Variants in FAM83H observed in about 807,000 individuals in gnomAD.
The protein encoded by FAM83H is scaffolding CK1 anchoring protein H.
FAM83H carries 24 observed loss-of-function variants against 30.2 expected under a neutral mutation model. The observed-to-expected ratio is 0.79, with a 90% CI of 0.57 to 1.12. The LOEUF is 1.12. FAM83H is among the 50% of genes most tolerant of loss of function. The probability of loss-of-function intolerance (pLI) is 0.00; values close to 1 mark genes in which losing one functional copy is unlikely to be tolerated. For missense variants in FAM83H, 2,038 were observed against 1,773.9 expected (o/e 1.15, Z -2.67); for synonymous variants, 1,013 against 821.7 (o/e 1.23, Z -3.98).
At position 143,727,919 on chromosome 8, in the gene FAM83H, G is replaced by A. The variant is rs782464800; in HGVS notation, c.1542C>T (p.Ser514=). The part of the protein sequence containing the change: ...GHQRLDYVPS[S]ASREVRHGSD... Reference sequence around the variant, plus strand: ...AGCCGTGGCGCACCTCGCGGGACGCGCTGGACGGCACGTAGTCCAGCCGCT... The same window carrying A: ...AGCCGTGGCGCACCTCGCGGGACGCACTGGACGGCACGTAGTCCAGCCGCT... Residue 514 remains serine, a synonymous_variant, in exon 5 of 5, where the codon AGC becomes AGT. Transcript: ENST00000388913. The A allele has an allele frequency of 2.6e-6, 4 of 1,523,498 alleles. No homozygotes were observed. Among genetic ancestry groups the A allele is most frequent in the East Asian group, 2.5e-5 (1 of 40,572 alleles). The allele number at this position is 1,523,498 out of a possible 1,614,324, so 94.4% of individuals were successfully genotyped here. A position where few individuals can be genotyped will look rare whatever the true frequency, so the allele number is the denominator to read the frequency against.
chr8:143,731,960 C>T, intron 1 of FAM83H: 1 of 985,458 alleles, frequency 1.0e-6, no homozygotes, highest in Non-Finnish European at 1.2e-6. Context: ...TCAGTCCATC[C>T]CACTGCTCCT....
rs1554621841 is a variant in FAM83H, at chr8:143,726,508, C to A, written c.2953G>T (p.Gly985Cys). Residue 985 changes from glycine to cysteine, a missense_variant, in exon 5 of 5, where the codon GGT (glycine) becomes TGT (cysteine). Physicochemically the swap from Gly to Cys is radical, Grantham distance 159 (BLOSUM62 -3). Coordinates refer to ENST00000388913, the MANE Select transcript of FAM83H (RefSeq NM_198488.5). The stretch of plus-strand genomic sequence containing the variant: ...TTCTCCTGCGGCACTGGGAAGCCAC[C>A]CTCATCCTCCATGCGCCGCTCGCCC... Reference protein sequence around the residue: ...PKGERRMEDEGGFPVPQENGQ... With the variant: ...PKGERRMEDECGFPVPQENGQ... 2 of 1,606,080 alleles carry A rather than the reference C, an allele frequency of 1.2e-6. No individual in the cohort carries two copies. The highest frequency in any genetic ancestry group is 1.7e-6 in the Non-Finnish European group (2 of 1,179,664).
chr8:143,727,783 G>T lies in FAM83H; in HGVS notation c.1678C>A (p.Pro560Thr), dbSNP rs1818358515. ...CQAAARPGPDPAPEAEPERRG... is the reference protein window; with the variant it reads ...CQAAARPGPDTAPEAEPERRG... ...CGCTCCGGCTCCGCCTCGGGAGCGGGGTCTGGGCCCGGCCTCGCCGCGGCC... is the reference window on the plus strand; with the variant it reads ...CGCTCCGGCTCCGCCTCGGGAGCGGTGTCTGGGCCCGGCCTCGCCGCGGCC... Residue 560 changes from proline (P) to threonine (T), a missense_variant, in exon 5 of 5, where the codon CCC (proline) becomes ACC (threonine). Coordinates refer to ENST00000388913, the MANE Select transcript of FAM83H (RefSeq NM_198488.5). 6 of 1,406,690 alleles carry T rather than the reference G, an allele frequency of 4.3e-6. No individual in the cohort carries two copies. The South Asian group carries it at 9.1e-5, about 21-fold the overall frequency. 87.1% of individuals were successfully genotyped at this position (1,406,690 alleles called of 1,614,324 possible). A position where few individuals can be genotyped will look rare whatever the true frequency, so the allele number is the denominator to read the frequency against.
rs28573699 is a variant in FAM83H, at chr8:143,728,152, G to A, written c.1309C>T (p.His437Tyr). 105,835 of 1,608,638 alleles carry A rather than the reference G, an allele frequency of 0.066. 3,752 individuals are homozygous for A. Among genetic ancestry groups the A allele is most frequent in the Middle Eastern group, 0.085 (506 of 5,980 alleles). ...RQVSRQTFLS[H>Y]GDDFRFQTSH... Reference sequence around the variant, plus strand: ...GTCTGGAAGCGGAAGTCGTCGCCGTGGCTGAGGAACGTCTGCCGCGACACC... The same window carrying A: ...GTCTGGAAGCGGAAGTCGTCGCCGTAGCTGAGGAACGTCTGCCGCGACACC... Residue 437 changes from histidine to tyrosine, a missense_variant, in exon 5 of 5, where the codon CAC becomes TAC. His to Tyr is a moderately conservative substitution (Grantham distance 83). Coordinates refer to ENST00000388913, the MANE Select transcript of FAM83H (RefSeq NM_198488.5).
Position 143,726,783 on chromosome 8 carries a change from G to A in FAM83H, c.2678C>T (p.Pro893Leu). The change falls in exon 5 of 5, where the codon CCA (proline) becomes CTA (leucine). Residue 893 changes from proline (P) to leucine (L), a missense_variant. By Grantham distance (98) the Pro-to-Leu change is moderately conservative. Transcript: ENST00000388913. ...TPGFSTRRGS[P>L]TTGFIEQKGS... is the part of the protein sequence containing the mutation. Reference sequence around the variant, plus strand: ...CTTCTGCTCGATAAATCCTGTAGTTGGACTTCCTCTTCGAGTGGAAAACCC... The same window carrying A: ...CTTCTGCTCGATAAATCCTGTAGTTAGACTTCCTCTTCGAGTGGAAAACCC... 1 of 1,612,280 alleles carries A rather than the reference G, an allele frequency of 6.2e-7. No homozygotes were observed. The highest frequency in any genetic ancestry group is 8.5e-7 in the Non-Finnish European group (1 of 1,179,516).
At position 143,727,742 on chromosome 8, in the gene FAM83H, C is replaced by CA; in HGVS notation, c.1718_1719insT (p.Glu573AspfsTer132). ...GCCAGCGCCGCAGCCCTGCCCGCCC[C>CA]TCGGGCCCGCCCCTGCGCTCCGGCT... On this transcript the variant is annotated frameshift_variant, in exon 5 of 5. Transcript: ENST00000388913. LOFTEE classifies it low-confidence loss of function (END_TRUNC). The CA allele has an allele frequency of 6.6e-7, 1 of 1,516,140 alleles. No homozygotes were observed. The highest frequency in any genetic ancestry group is 2.6e-5 in the East Asian group (1 of 37,780). 93.9% of individuals were successfully genotyped at this position (1,516,140 alleles called of 1,614,324 possible).
chr8:143,730,109 A>AC, intron 2 of FAM83H, 27 bp downstream of exon 2: 1 of 1,504,104 alleles, frequency 6.6e-7, no homozygotes. Flanking sequence ...CCCCTCCCCC[A>AC]CTACCCTCAA....
At chr8:143,731,206 T>A in intron 1 of FAM83H, 1 of 259,402 alleles carries the variant, frequency 3.9e-6, no homozygotes. Context: ...TTTTTTCTTA[T>A]TTTAAGACAT....
chr8:143,725,744 A>T lies in FAM83H; in HGVS notation c.*177T>A. 1 of 1,106,532 alleles carries T rather than the reference A, an allele frequency of 9.0e-7. No homozygotes were observed. Among genetic ancestry groups the T allele is most frequent in the South Asian group, 1.6e-5 (1 of 63,528 alleles). 68.5% of individuals were successfully genotyped at this position (1,106,532 alleles called of 1,614,324 possible). A position where few individuals can be genotyped will look rare whatever the true frequency, so the allele number is the denominator to read the frequency against. ...GGGGAGGCCAGGGGGCAGAGACGGC[A>T]GCTGCCAGGTGAGCCTCCAGTGGAG... On this transcript the variant is annotated 3_prime_UTR_variant, in exon 5 of 5. Transcript: ENST00000388913.
rs6558385 is a variant in FAM83H at position 143,724,840 on chromosome 8, A to G, written c.*1081T>C. 152,514 of 152,686 alleles carry G rather than the reference A, an allele frequency of 1. 76,171 individuals carry two copies. The highest frequency in any genetic ancestry group is 1 in the Non-Finnish European group (68,306 of 68,306). The allele number at this position is 152,686 out of a possible 1,614,324, so 9.5% of individuals were successfully genotyped here. ...ATGTTTTACTGTGCTGCAAAGGCCA[A>G]TGCCCCCTCCCCACTCTCACCCAGT... is the stretch of plus-strand genomic sequence containing the variant. On this transcript the variant is annotated 3_prime_UTR_variant, in exon 5 of 5. Transcript: ENST00000388913.
At position 143,730,131 on chromosome 8, in the gene FAM83H, C is replaced by T. The variant is rs370619551; in HGVS notation, c.447+5G>A. ...CCCACTACCCTCAAGCCCAAGATGG[C>T]GCACCTGCTGGGCGGAACGGATCAT... On this transcript the variant is annotated splice_donor_5th_base_variant and intron_variant, in intron 2 of 4. Coordinates refer to ENST00000388913, the MANE Select transcript of FAM83H (RefSeq NM_198488.5). 1.6e-4 allele frequency: 243 copies of T among 1,544,482 alleles called. No individual in the cohort carries two copies. Among genetic ancestry groups the T allele is most frequent in the Non-Finnish European group, 2.0e-4 (225 of 1,141,616 alleles).
At position 143,723,979 on chromosome 8, in the gene FAM83H, G is replaced by A. The variant is rs1554620752; in HGVS notation, c.*1942C>T. 6.6e-6 allele frequency: 1 copy of A among 152,246 alleles called. No homozygotes were observed. The highest frequency in any genetic ancestry group is 1.5e-5 in the Non-Finnish European group (1 of 68,050). The allele number at this position is 152,246 out of a possible 1,614,324, so 9.4% of individuals were successfully genotyped here. A position where few individuals can be genotyped will look rare whatever the true frequency, so the allele number is the denominator to read the frequency against. The stretch of plus-strand genomic sequence containing the variant: ...TTAACACCAAAATGTGCCACATCAT[G>A]GTTTAGAAGAGGTGGAGGGTGCAGG... On this transcript the variant is annotated 3_prime_UTR_variant, in exon 5 of 5. Transcript: ENST00000388913.
intron 1 of FAM83H, chr8:143,732,711 C>T: frequency 1.0e-6 from 1 of 985,410 alleles, no homozygotes; most frequent in Non-Finnish European, 1.2e-6. Context: ...TACGTGTCTC[C>T]TGGGCTATGG....
Position 143,727,163 on chromosome 8 carries a change from G to A in FAM83H, c.2298C>T (p.Ser766=), listed in dbSNP as rs1387045364. The A allele has an allele frequency of 1.3e-6, 2 of 1,534,402 alleles. No individual in the cohort carries two copies. Among genetic ancestry groups the A allele is most frequent in the East Asian group, 2.4e-5 (1 of 40,878 alleles). The change falls in exon 5 of 5, where the codon TCC becomes TCT. Residue 766 remains serine (S), a synonymous_variant. Transcript: ENST00000388913. The part of the protein sequence containing the change: ...TVASHSKAVV[S]QAWREEVAAP... Reference sequence around the variant, plus strand: ...CCGCCACCTCTTCCCGCCACGCCTGGGACACGACGGCCTTGCTGTGGCTGG... The same window carrying A: ...CCGCCACCTCTTCCCGCCACGCCTGAGACACGACGGCCTTGCTGTGGCTGG...
rs565955315 is a variant in FAM83H, at chr8:143,730,475, G to A, written c.108C>T (p.Ala36=). 6.9e-5 allele frequency: 111 copies of A among 1,609,704 alleles called. 3 individuals carry two copies. In the South Asian group the frequency reaches 9.5e-4, roughly 14 times the overall value. ...EYYRLAVDAL[A]EGGSEAYSRF... is the part of the protein sequence containing the mutation. ...GGCTGTAGGCCTCCGAGCCACCCTC[G>A]GCCAGTGCATCCACCGCCAGGCGGT... Residue 36 remains alanine, a synonymous_variant, in exon 2 of 5, where the codon GCC becomes GCT. Transcript: ENST00000388913.
intron 4 of FAM83H, 62 bp downstream of exon 4, chr8:143,728,905 G>A (rs531539278): frequency 4.3e-6 from 7 of 1,611,298 alleles, no homozygotes; most frequent in South Asian, 2.2e-5. Context: ...GTGTGGAAAG[G>A]GGGTGCTGGG....
rs573911470 is a variant in FAM83H, at chr8:143,729,191, C to T, written c.580G>A (p.Asp194Asn). 149 of 1,613,652 alleles carry T rather than the reference C, an allele frequency of 9.2e-5. 1 individual carries two copies. The Middle Eastern group carries it at 1.2e-3, about 13-fold the overall frequency. The change falls in exon 3 of 5, where the codon GAC becomes AAC. Residue 194 changes from aspartate (D) to asparagine (N), a missense_variant. Asp to Asn is a conservative substitution (Grantham distance 23). Transcript: ENST00000388913. Reference sequence around the variant, plus strand: ...TGCTGCAGGTTGACACGGCACTTGTCGGCCATGTCCAGGAAGTGCTGCGCG... The same window carrying T: ...TGCTGCAGGTTGACACGGCACTTGTTGGCCATGTCCAGGAAGTGCTGCGCG... ...MNAQHFLDMA[D>N]KCRVNLQHVD...
Position 143,728,506 on chromosome 8 carries a change from G to A in FAM83H, c.955C>T (p.Pro319Ser). 2.6e-6 allele frequency: 4 copies of A among 1,557,236 alleles called. No individual in the cohort carries two copies. Among genetic ancestry groups the A allele is most frequent in the South Asian group, 1.2e-5 (1 of 85,070 alleles). The change falls in exon 5 of 5, where the codon CCC becomes TCC. Residue 319 changes from proline (P) to serine (S), a missense_variant. Physicochemically the swap from Pro to Ser is moderately conservative, Grantham distance 74 (BLOSUM62 -1). Coordinates refer to ENST00000388913, the MANE Select transcript of FAM83H (RefSeq NM_198488.5). Reference sequence around the variant, plus strand: ...TGCGCTCGTTTAGGGAAGGAGAAGGGGGTTGGCGCCCCGACCCCAGGGACG... The same window carrying A: ...TGCGCTCGTTTAGGGAAGGAGAAGGAGGTTGGCGCCCCGACCCCAGGGACG... ...VGVPGVGAPTPFSFPKRAHLL... is the reference protein window; with the variant it reads ...VGVPGVGAPTSFSFPKRAHLL...
At chr8:143,728,781 G>A in intron 4 of FAM83H, 58 bp from the exon 5 acceptor site, 2 of 1,598,240 alleles carry the variant, frequency 1.3e-6, no homozygotes, top group East Asian at 2.2e-5. Context: ...CTGCAGCCCC[G>A]TGGGCAGCGG....
Sources: allele counts gnomAD v4.1 joint callset, GRCh38; gene constraint gnomAD v4.1.1; transcripts MANE v1.5; gene names NCBI Gene and HGNC (gene_info 2026-07-23, HGNC 2026-07-21).